The following PCDHGA1 variants were observed in gnomAD, a reference collection of about 807,000 sequenced individuals.
PCDHGA1 encodes protocadherin gamma-A1.
PCDHGA1 carries 32 observed loss-of-function variants against 58.0 expected under a neutral mutation model. That is an observed-to-expected ratio of 0.55 (90% CI 0.42 to 0.74). The LOEUF (loss-of-function observed/expected upper bound fraction) is 0.74, where lower values mean the gene tolerates loss of function less well. Ranked by LOEUF, PCDHGA1 falls within the 30% of genes least tolerant of loss-of-function variation. The probability of loss-of-function intolerance (pLI) is 0.00; values close to 1 mark genes in which losing one functional copy is unlikely to be tolerated. For missense variants in PCDHGA1, 1,205 were observed against 1,182.3 expected, an observed-to-expected ratio of 1.02 and a Z score of -0.28; for synonymous variants, 498 against 501.1, an observed-to-expected ratio of 0.99 and a Z score of 0.08.
At position 141,511,424 on chromosome 5, in the gene PCDHGA1, G is replaced by A. The variant is rs939906846; in HGVS notation, c.*251G>A. 10 of 810,392 alleles carry A rather than the reference G, an allele frequency of 1.2e-5. No homozygotes were observed. Among genetic ancestry groups the A allele is most frequent in the East Asian group, 3.0e-5 (1 of 33,800 alleles). The allele number at this position is 810,392 out of a possible 1,614,324, so 50.2% of individuals were successfully genotyped here. On this transcript the variant is annotated 3_prime_UTR_variant, in exon 4 of 4. Transcript: ENST00000517417. The stretch of plus-strand genomic sequence containing the variant: ...ATCAACTGCTGTACCCATGGGGGTA[G>A]TGGGGTTACTGTAGACACCAAGAAC...
At chr5:141,365,106 C>CTCT (rs1561533219) in intron 1 of PCDHGA1, 1 of 1,613,862 alleles carries the variant, frequency 6.2e-7, no homozygotes, top group South Asian at 1.1e-5. Flanking sequence ...CCTGTGGGCA[C>CTCT]TCGGCTGCTC....
chr5:141,357,163 TCG>T (rs1208679292), intron 1 of PCDHGA1: 1 of 1,613,606 alleles, frequency 6.2e-7, no homozygotes, highest in East Asian at 2.2e-5. Flanking sequence ...GCCCCCTCTC[TCG>T]GCCACCGTCA....
In PCDHGA1 at chr5:141,431,450, A is replaced by G; in HGVS notation, c.2422-63357A>G. 2 of 1,613,740 alleles carry G rather than the reference A, an allele frequency of 1.2e-6. No individual in the cohort carries two copies. Among genetic ancestry groups the G allele is most frequent in the South Asian group, 1.1e-5 (1 of 91,082 alleles). Reference sequence around the variant, plus strand: ...CACAGGCACCGCGCGCATCCGCGTGATGGTTCTGGATGCGAACGACAACGC... The same window carrying G: ...CACAGGCACCGCGCGCATCCGCGTGGTGGTTCTGGATGCGAACGACAACGC... On this transcript the variant is annotated intron_variant, in intron 1 of 3. Coordinates refer to ENST00000517417, the MANE Select transcript of PCDHGA1 (RefSeq NM_018912.3). The surrounding 1 kb of genome is among the most constrained non-coding windows in gnomAD (Gnocchi z 4.8).
At chr5:141,372,466 A>G in intron 1 of PCDHGA1, 1 of 1,613,906 alleles carries the variant, frequency 6.2e-7, no homozygotes, top group South Asian at 1.1e-5. Context: ...CTACAGTTTC[A>G]CCTAGTAGTG....
chr5:141,485,193 G>T lies in PCDHGA1; in HGVS notation c.2422-9614G>T. The T allele has an allele frequency of 6.2e-7, 1 of 1,613,988 alleles. No homozygotes were observed. Among genetic ancestry groups the T allele is most frequent in the Non-Finnish European group, 8.5e-7 (1 of 1,179,852 alleles). The stretch of plus-strand genomic sequence containing the variant: ...GCAGCAATGCTCCGCAAGGTGAGAA[G>T]CTGGACAGAAATCTGGCGGTGGGCT... On this transcript the variant is annotated intron_variant, in intron 1 of 3. Transcript: ENST00000517417. The surrounding 1 kb of genome is among the most constrained non-coding windows in gnomAD (Gnocchi z 5.7).
At chr5:141,365,352 A>G in intron 1 of PCDHGA1, 1 of 1,613,938 alleles carries the variant, frequency 6.2e-7, no homozygotes. Flanking sequence ...CAGGACGTGA[A>G]TGACAATGCC....
At chr5:141,497,540 C>T (rs866982821) in intron 2 of PCDHGA1, among the ~76,000 whole-genome samples, 5 of 134,944 alleles carry the variant, frequency 3.7e-5, no homozygotes, top group African/African-American at 1.1e-4. Context: ...TGCAACAAAC[C>T]TTTTTTTTTT....
chr5:141,332,297 G>A lies in PCDHGA1; in HGVS notation c.1613G>A (p.Gly538Glu), dbSNP rs1756399794. 6 of 1,614,096 alleles carry A rather than the reference G, an allele frequency of 3.7e-6. No homozygotes were observed. The highest frequency in any genetic ancestry group is 3.3e-5 in the Admixed American group (2 of 60,008). ...MQLKVMARDS[G>E]DPPLSSNVSL... ...CTGAAAGTGATGGCGCGGGACAGTG[G>A]GGATCCGCCCCTCAGCAGCAACGTG... is the stretch of plus-strand genomic sequence containing the variant. The change falls in exon 1 of 4, where the codon GGG becomes GAG. Residue 538 changes from glycine to glutamate, a missense_variant. By Grantham distance (98) the Gly-to-Glu change is moderately conservative. Transcript: ENST00000517417. The surrounding 1 kb of genome is among the most constrained non-coding windows in gnomAD (Gnocchi z 4.6).
At chr5:141,409,979 G>T in intron 1 of PCDHGA1, 1 of 1,613,348 alleles carries the variant, frequency 6.2e-7, no homozygotes, top group Non-Finnish European at 8.5e-7. Flanking sequence ...TAAGGTGGTA[G>T]CGGTGGACGC....
At chr5:141,423,099 G>C (rs1344463949) in intron 1 of PCDHGA1, 1 of 1,613,826 alleles carries the variant, frequency 6.2e-7, no homozygotes, top group Non-Finnish European at 8.5e-7. Flanking sequence ...GGGAGCACAC[G>C]GGCGAGGTGC....
chr5:141,388,591 A>G (rs761143693), intron 1 of PCDHGA1: 9 of 1,613,804 alleles, frequency 5.6e-6, no homozygotes, highest in African/African-American at 5.3e-5. Flanking sequence ...ACTGATGCCA[A>G]TGATAATGCT....
intron 1 of PCDHGA1, chr5:141,384,849 TC>T (rs2047512750): frequency 6.2e-7 from 1 of 1,613,452 alleles, no homozygotes; most frequent in East Asian, 2.2e-5. Flanking sequence ...AGGACCACGG[TC>T]AGCCTCCTCT....
chr5:141,385,085 A>C, intron 1 of PCDHGA1: 1 of 1,614,132 alleles, frequency 6.2e-7, no homozygotes, highest in South Asian at 1.1e-5. Context: ...CAGGCTTCAG[A>C]AGGTGGCTTG....
intron 1 of PCDHGA1, chr5:141,341,296 T>A: frequency 6.2e-7 from 1 of 1,614,238 alleles, no homozygotes; most frequent in Non-Finnish European, 8.5e-7. Flanking sequence ...AGCCCAACTA[T>A]GCGGACACGC....
intron 1 of PCDHGA1, among the ~76,000 whole-genome samples, chr5:141,460,653 GT>G (rs2098994590): frequency 6.6e-6 from 1 of 151,844 alleles, no homozygotes; most frequent in Admixed American, 6.6e-5. Context: ...TTACACATAT[GT>G]AACTGTAAAC....
At chr5:141,418,189 G>A in intron 1 of PCDHGA1, 1 of 1,614,046 alleles carries the variant, frequency 6.2e-7, no homozygotes, top group Admixed American at 1.7e-5. Flanking sequence ...AAGCTGTGGT[G>A]GAAAATCCTT....
In PCDHGA1 at chr5:141,392,992, C is replaced by A. The variant is rs1233401263; in HGVS notation, c.2421+59887C>A. ...CTGGGGCTGGACCCCCGGAAGCTGG[C>A]GAAGCACGGAGTCCGTATCGTCTCC... is the stretch of plus-strand genomic sequence containing the variant. On this transcript the variant is annotated intron_variant, in intron 1 of 3. Transcript: ENST00000517417. 5 of 1,613,818 alleles carry A rather than the reference C, an allele frequency of 3.1e-6. No homozygotes were observed. The Admixed American group carries it at 5.0e-5, about 16-fold the overall frequency.
At position 141,490,543 on chromosome 5, in the gene PCDHGA1, C is replaced by T; in HGVS notation, c.2422-4264C>T. 2 of 1,614,188 alleles carry T rather than the reference C, an allele frequency of 1.2e-6. No homozygotes were observed. Among genetic ancestry groups the T allele is most frequent in the Non-Finnish European group, 8.5e-7 (1 of 1,180,024 alleles). On this transcript the variant is annotated intron_variant, in intron 1 of 3. Transcript: ENST00000517417. The surrounding 1 kb of genome is among the most constrained non-coding windows in gnomAD (Gnocchi z 5.4). ...CAGCGATGCTGGTTCACCTTCCCTA[C>T]ACAAACATCTCACCATCAGGCTCAA...
chr5:141,478,249 A>T, intron 1 of PCDHGA1: 1 of 1,614,110 alleles, frequency 6.2e-7, no homozygotes, highest in African/African-American at 1.3e-5. Context: ...CAGTGTTCGG[A>T]GTAATCATAT....
Sources: allele counts gnomAD v4.1 joint callset (sites outside exome capture counted in the v4.1 genomes callset), GRCh38; gene constraint gnomAD v4.1.1; non-coding constraint Gnocchi (gnomAD v3.1); transcripts MANE v1.5; gene names NCBI Gene and HGNC (gene_info 2026-07-23, HGNC 2026-07-21).